Variants in SSUH2 observed in about 807,000 individuals in gnomAD.
SSUH2 encodes the protein protein SSUH2 homolog.
SSUH2 carries 47 observed loss-of-function variants against 55.3 expected under a neutral mutation model. The observed-to-expected ratio is 0.85, with a 90% CI of 0.67 to 1.08. SSUH2 has a LOEUF of 1.08. SSUH2 is among the 50% of genes least tolerant of loss of function. The pLI is 0.00. For synonymous variants in SSUH2, 212 were observed against 191.5 expected, an observed-to-expected ratio of 1.11 and a Z score of -0.89; for missense variants, 535 against 490.7, an observed-to-expected ratio of 1.09 and a Z score of -0.85.
intron 3 of SSUH2, among the ~76,000 whole-genome samples, chr3:8,675,293 AG>A (rs879757178): frequency 2.0e-5 from 3 of 152,192 alleles, no homozygotes; most frequent in African/African-American, 7.2e-5. Flanking sequence ...GTCACTACTC[AG>A]TACACTTGGA....
At chr3:8,628,214 C>T (rs1697993780) in intron 7 of SSUH2, among the ~76,000 whole-genome samples, 1 of 152,118 alleles carries the variant, frequency 6.6e-6, no homozygotes, top group African/African-American at 2.4e-5. Flanking sequence ...GGGAAGACCA[C>T]CGCTGGGACC....
At chr3:8,625,964 T>C (rs1222544448) in intron 9 of SSUH2, among the ~76,000 whole-genome samples, 1 of 152,250 alleles carries the variant, frequency 6.6e-6, no homozygotes, top group Non-Finnish European at 1.5e-5. Flanking sequence ...GCTCTATTCC[T>C]ACGGGAAGGG....
chr3:8,634,703 G>A, intron 3 of SSUH2: 4 of 656,796 alleles, frequency 6.1e-6, no homozygotes, highest in South Asian at 1.5e-5. Context: ...GGCAGCAGCA[G>A]GGCCAGAAGC....
chr3:8,655,843 C>T (rs899593088), intron 7 of SSUH2, among the ~76,000 whole-genome samples: 2 of 152,206 alleles, frequency 1.3e-5, no homozygotes, highest in African/African-American at 4.8e-5. Flanking sequence ...GGCAAACACA[C>T]AGGCCAGGAT....
At chr3:8,661,679 AG>A (rs1703504880) in intron 6 of SSUH2, among the ~76,000 whole-genome samples, 4 of 152,232 alleles carry the variant, frequency 2.6e-5, no homozygotes, top group Admixed American at 2.6e-4. Flanking sequence ...CAGTTTCCAC[AG>A]GACCACATGA....
chr3:8,645,253 C>G (rs1460996550), upstream of SSUH2, among the ~76,000 whole-genome samples: 1 of 152,190 alleles, frequency 6.6e-6, no homozygotes, highest in East Asian at 1.9e-4. Context: ...TGGGCAGGGC[C>G]TCTGAGATCT....
At chr3:8,676,000 G>T (rs574992980) in intron 3 of SSUH2, among the ~76,000 whole-genome samples, 72 of 152,240 alleles carry the variant, frequency 4.7e-4, no homozygotes, top group Non-Finnish European at 6.3e-4. Flanking sequence ...GGCCTTGGCA[G>T]CAACTGCCCT....
At chr3:8,677,000 CT>C (rs1338175818) in intron 3 of SSUH2, among the ~76,000 whole-genome samples, 3 of 149,238 alleles carry the variant, frequency 2.0e-5, no homozygotes, top group Non-Finnish European at 3.0e-5. Context: ...TCTTCCCCCC[CT>C]GGCTCTTGAG....
intron 3 of SSUH2, among the ~76,000 whole-genome samples, chr3:8,673,241 CATT>C (rs1224765560): frequency 1.3e-5 from 2 of 151,932 alleles, no homozygotes; most frequent in Non-Finnish European, 2.9e-5. Context: ...TATGAATTAT[CATT>C]ATTATCGGTA....
intron 5 of SSUH2, chr3:8,663,859 C>T (rs185807896): frequency 9.0e-5 from 41 of 456,642 alleles, no homozygotes; most frequent in African/African-American, 7.4e-4. Context: ...ATGCGTGTCC[C>T]AAGACAATGT....
chr3:8,672,475 C>G (rs1447665698), intron 3 of SSUH2, among the ~76,000 whole-genome samples: 4 of 152,070 alleles, frequency 2.6e-5, no homozygotes, highest in African/African-American at 4.8e-5. Context: ...TAATATCAAC[C>G]TCTCCGCCTT....
intron 8 of SSUH2, among the ~76,000 whole-genome samples, chr3:8,626,550 C>T (rs562010096): frequency 1.3e-3 from 199 of 148,648 alleles, no homozygotes; most frequent in Non-Finnish European, 2.6e-3. Context: ...CCCCCCCCTC[C>T]CCCACCACTA....
At chr3:8,665,255 A>G (rs911285618) in intron 5 of SSUH2, among the ~76,000 whole-genome samples, 16 of 152,234 alleles carry the variant, frequency 1.1e-4, no homozygotes, top group Admixed American at 5.2e-4. Flanking sequence ...GAAAAGGAAG[A>G]TAAAGAAGAA....
At chr3:8,658,157 G>A (rs1703119587) in intron 7 of SSUH2, among the ~76,000 whole-genome samples, 2 of 152,250 alleles carry the variant, frequency 1.3e-5, no homozygotes, top group South Asian at 4.1e-4. Flanking sequence ...TGACCCTCAT[G>A]GAGATATTTA....
Position 8,635,688 on chromosome 3 carries a change from C to T in SSUH2, c.127+71G>A. ...GGAGCTATCTCAGCACCACCTTTTT[C>T]CCGAGACATCCCACCAACCAGCGTG... On this transcript the variant is annotated intron_variant, in intron 2 of 11. Transcript: ENST00000544814. 2.2e-6 allele frequency: 3 copies of T among 1,369,876 alleles called. No individual in the cohort carries two copies. The South Asian group carries it at 4.2e-5, about 19-fold the overall frequency. The allele number at this position is 1,369,876 out of a possible 1,614,324, so 84.9% of individuals were successfully genotyped here.
chr3:8,671,054 G>T, exon 5 of SSUH2: 1 of 384,500 alleles, frequency 2.6e-6, no homozygotes, highest in South Asian at 1.9e-5. Context: ...AATATCAAAG[G>T]GTGCACACGC....
intron 3 of SSUH2, among the ~76,000 whole-genome samples, chr3:8,672,404 T>C (rs72624410): frequency 0.031 from 4,719 of 152,142 alleles, 166 homozygotes; most frequent in East Asian, 0.18. Context: ...ATCATCCTCT[T>C]TTCTTCTGGA....
intron 7 of SSUH2, among the ~76,000 whole-genome samples, chr3:8,651,239 G>A (rs189291990): frequency 6.6e-6 from 1 of 152,358 alleles, no homozygotes; most frequent in East Asian, 1.9e-4. Context: ...TGTTTGCAGA[G>A]GGGTTTCTGT....
At chr3:8,672,813 C>T (rs980876715) in intron 3 of SSUH2, among the ~76,000 whole-genome samples, 2 of 152,108 alleles carry the variant, frequency 1.3e-5, no homozygotes, top group Non-Finnish European at 2.9e-5. Context: ...GGAATATCAC[C>T]AGGTGGATGC....
Sources: gnomAD v4.1 joint callset for allele counts (sites outside exome capture counted in the v4.1 genomes callset) on GRCh38, gnomAD v4.1.1 for gene constraint, MANE v1.5 for transcripts, NCBI Gene and HGNC (gene_info 2026-07-23, HGNC 2026-07-21) for gene names.